HPSE2: variants seen among roughly 807,000 people sequenced by gnomAD.
The protein encoded by HPSE2 is inactive heparanase-2.
A neutral mutation model predicts 60.5 loss-of-function variants in HPSE2; 38 were observed. The ratio of observed to expected loss-of-function variants is 0.63; its 90% CI spans 0.48 to 0.82. HPSE2 has a LOEUF of 0.82. Among genes scored for constraint, HPSE2 ranks in the 40% least tolerant of loss-of-function variants. The probability of loss-of-function intolerance (pLI) is 0.00; values close to 1 mark genes in which losing one functional copy is unlikely to be tolerated. For missense variants in HPSE2, 713 were observed against 740.4 expected (o/e 0.96, Z 0.43); for synonymous variants, 295 against 293.2 (o/e 1.01, Z -0.06).
At chr10:99,114,234 ACAGCACTTAACTAAATACTCT>A (rs1483339074) in intron 3 of HPSE2, among the ~76,000 whole-genome samples, 2 of 152,190 alleles carry the variant, frequency 1.3e-5, no homozygotes, top group African/African-American at 4.8e-5. Flanking sequence ...CTGACCTTGG[ACAGCACTTAACTAAATACTCT>A]AAAATTCACC....
rs200641046 is a variant in HPSE2 at position 99,078,537 on chromosome 10, A to AT, written c.610+65700dup. 6.6e-3 allele frequency among the ~76,000 whole-genome samples: 994 copies of AT among 151,624 alleles called. 7 individuals carry two copies. The highest frequency in any genetic ancestry group is 0.022 in the African/African-American group (901 of 41,374). ...GTCTGCATATGTTCAATACAGATGC[A>AT]TTTTTTTTTACTTTAAACATGCATA... On this transcript the variant is annotated intron_variant, in intron 3 of 11. Transcript: ENST00000370552.
chr10:98,850,580 C>CA (rs1377728257), intron 3 of HPSE2, among the ~76,000 whole-genome samples: 1 of 151,570 alleles, frequency 6.6e-6, no homozygotes, highest in African/African-American at 2.4e-5. Context: ...ACTAAAAATA[C>CA]AAAAAAATTA....
At chr10:99,147,793 T>C (rs1434538364) in intron 2 of HPSE2, among the ~76,000 whole-genome samples, 1 of 152,208 alleles carries the variant, frequency 6.6e-6, no homozygotes, top group East Asian at 1.9e-4. Flanking sequence ...AAGATACTTA[T>C]CAAAGAAGCA....
chr10:98,604,841 A>G (rs1464931772), intron 9 of HPSE2, among the ~76,000 whole-genome samples: 5 of 152,214 alleles, frequency 3.3e-5, no homozygotes, highest in African/African-American at 1.2e-4. Context: ...TGTCCAATTC[A>G]ACCTCTACAT....
chr10:98,522,632 GC>G (rs1193029407), intron 9 of HPSE2, among the ~76,000 whole-genome samples: 1 of 152,122 alleles, frequency 6.6e-6, no homozygotes, highest in African/African-American at 2.4e-5. Context: ...CCACCACAAT[GC>G]CCGGCTAATT....
chr10:99,240,277 A>T (rs867546299), upstream of HPSE2, among the ~76,000 whole-genome samples: 4 of 152,268 alleles, frequency 2.6e-5, no homozygotes, highest in Non-Finnish European at 1.5e-5. Context: ...ATATACCAGT[A>T]ACCAACATGG....
At chr10:99,150,277 C>T (rs920342680) in intron 2 of HPSE2, among the ~76,000 whole-genome samples, 2 of 152,170 alleles carry the variant, frequency 1.3e-5, no homozygotes, top group South Asian at 4.1e-4. Flanking sequence ...CACAGCAGTG[C>T]TAGCCTAAGG....
chr10:98,621,497 G>A (rs947239437), intron 7 of HPSE2, among the ~76,000 whole-genome samples: 7 of 152,162 alleles, frequency 4.6e-5, no homozygotes, highest in Admixed American at 2.6e-4. Context: ...TCAAAGGCTT[G>A]TTTATAGGTA....
intron 7 of HPSE2, among the ~76,000 whole-genome samples, chr10:98,631,579 T>C (rs1011440812): frequency 2.0e-5 from 3 of 152,222 alleles, no homozygotes; most frequent in Admixed American, 2.0e-4. Context: ...ACTTACATGC[T>C]GAAACACTGG....
intron 3 of HPSE2, among the ~76,000 whole-genome samples, chr10:98,860,304 G>A (rs1952425194): frequency 6.6e-6 from 1 of 152,172 alleles, no homozygotes; most frequent in African/African-American, 2.4e-5. Flanking sequence ...CAAAGTCTAT[G>A]CCTTGAATTC....
At chr10:98,947,010 C>CG (rs35558936) in intron 3 of HPSE2, among the ~76,000 whole-genome samples, 23,207 of 151,542 alleles carry the variant, frequency 0.15, 2,675 homozygotes, top group African/African-American at 0.32. Flanking sequence ...ATAAGGAGTG[C>CG]CACTAGTGAT....
At chr10:99,184,945 G>A (rs1159418424) in intron 2 of HPSE2, among the ~76,000 whole-genome samples, 3 of 149,198 alleles carry the variant, frequency 2.0e-5, no homozygotes, top group Non-Finnish European at 4.5e-5. Flanking sequence ...CAAGTAATTG[G>A]TACCTCCAAA....
At chr10:98,684,568 T>C (rs964922030) in intron 6 of HPSE2, among the ~76,000 whole-genome samples, 4 of 152,158 alleles carry the variant, frequency 2.6e-5, no homozygotes, top group African/African-American at 9.7e-5. Context: ...ATTTAAGATA[T>C]AAACTCTTGG....
chr10:98,850,175 A>C (rs546373898), intron 3 of HPSE2, among the ~76,000 whole-genome samples: 1 of 152,200 alleles, frequency 6.6e-6, no homozygotes, highest in Non-Finnish European at 1.5e-5. Context: ...TATACATGCT[A>C]ATGGTAGAGA....
the HPSE2 span, among the ~76,000 whole-genome samples, chr10:99,250,038 G>A: frequency 1.3e-5 from 2 of 151,810 alleles, no homozygotes; most frequent in African/African-American, 4.8e-5. Context: ...AGCTACTCAG[G>A]AGGCTGAGGC....
chr10:98,630,238 C>T (rs1164887282), intron 7 of HPSE2, among the ~76,000 whole-genome samples: 1 of 149,852 alleles, frequency 6.7e-6, no homozygotes, highest in African/African-American at 2.5e-5. Context: ...CGCTCTGTCA[C>T]CCAGGCTGGA....
chr10:98,474,970 T>C (rs1940937012), intron 11 of HPSE2, among the ~76,000 whole-genome samples: 1 of 152,156 alleles, frequency 6.6e-6, no homozygotes, highest in Non-Finnish European at 1.5e-5. Context: ...TAAATAGCTC[T>C]TGAAAGCCAG....
intron 4 of HPSE2, among the ~76,000 whole-genome samples, chr10:98,735,927 G>A (rs1949345326): frequency 6.6e-6 from 1 of 152,108 alleles, no homozygotes; most frequent in Non-Finnish European, 1.5e-5. Context: ...AGTTAATGCT[G>A]AAATGGGTTA....
intron 3 of HPSE2, among the ~76,000 whole-genome samples, chr10:98,976,362 T>C (rs1327674567): frequency 6.6e-6 from 1 of 152,216 alleles, no homozygotes; most frequent in Non-Finnish European, 1.5e-5. Context: ...GCTCATTTAA[T>C]CCTCACAACA....
Sources: gnomAD v4.1 joint callset for allele counts (sites outside exome capture counted in the v4.1 genomes callset) on GRCh38, gnomAD v4.1.1 for gene constraint, MANE v1.5 for transcripts, NCBI Gene and HGNC (gene_info 2026-07-23, HGNC 2026-07-21) for gene names.